Variants in TRIM14 observed in about 807,000 individuals in gnomAD.
The protein encoded by TRIM14 is tripartite motif-containing protein 14.
Under a neutral mutation model 44.5 loss-of-function variants are expected in TRIM14, and 28 were observed. The observed-to-expected ratio is 0.63, with a 90% CI of 0.47 to 0.86. TRIM14 has a LOEUF of 0.86. Ranked by LOEUF, TRIM14 falls within the 40% of genes least tolerant of loss-of-function variation. The pLI, the probability that TRIM14 is intolerant of heterozygous loss-of-function variation, is 0.00. For synonymous variants in TRIM14, 299 were observed against 269.2 expected (o/e 1.11, Z -1.08); for missense variants, 607 against 611.1 (o/e 0.99, Z 0.07).
intron 2 of TRIM14, among the ~76,000 whole-genome samples, chr9:98,106,102 C>T (rs1398454877): frequency 6.6e-6 from 1 of 152,186 alleles, no homozygotes; most frequent in African/African-American, 2.4e-5. Flanking sequence ...GGCACACTCA[C>T]AATCCACAGT....
intron 3 of TRIM14, 140 bp downstream of exon 3, chr9:98,099,791 G>C (rs1826320701): frequency 1.4e-6 from 1 of 693,914 alleles, no homozygotes; most frequent in African/African-American, 1.8e-5. Context: ...CACCTGTGTG[G>C]GGGCAAGACA....
chr9:98,051,956 G>T, the TRIM14 span, among the ~76,000 whole-genome samples: 1 of 152,066 alleles, frequency 6.6e-6, no homozygotes, highest in Admixed American at 6.6e-5. Context: ...GTGCTTCTTT[G>T]ATCCAAGCGT....
At chr9:98,039,230 G>T in the TRIM14 span, among the ~76,000 whole-genome samples, 5 of 151,950 alleles carry the variant, frequency 3.3e-5, no homozygotes, top group African/African-American at 1.2e-4. Flanking sequence ...GCTCACTGCA[G>T]CCTCCACCTC....
At chr9:98,045,173 C>T in the TRIM14 span, among the ~76,000 whole-genome samples, 1 of 152,236 alleles carries the variant, frequency 6.6e-6, no homozygotes, top group South Asian at 2.1e-4. Flanking sequence ...ACAACAGCCT[C>T]CTAAGACAGA....
downstream of TRIM14, chr9:98,082,936 G>C: frequency 6.2e-7 from 1 of 1,614,174 alleles, no homozygotes. Flanking sequence ...TGAGCCCAAA[G>C]GCTATCCTCC....
intron 2 of TRIM14, among the ~76,000 whole-genome samples, chr9:98,102,614 G>A (rs531374413): frequency 6.6e-6 from 1 of 152,270 alleles, no homozygotes; most frequent in South Asian, 2.1e-4. Context: ...CCGCTTATGT[G>A]AAACATCTAG....
chr9:98,061,631 T>C, the TRIM14 span, among the ~76,000 whole-genome samples: 4 of 148,556 alleles, frequency 2.7e-5, no homozygotes, highest in Non-Finnish European at 5.9e-5. Flanking sequence ...ATACAAAAAA[T>C]TAGCTGGGCG....
chr9:98,094,933 A>G lies in TRIM14; in HGVS notation c.634T>C (p.Phe212Leu), dbSNP rs1322052308. ...PLSFEPVKSFFKGLVEAVEST... is the reference protein window; with the variant it reads ...PLSFEPVKSFLKGLVEAVEST... Reference sequence around the variant, plus strand: ...TCCACGGCTTCCACGAGGCCCTTAAAGAAGCTCTTGACGGGCTCAAAGGAG... The same window carrying G: ...TCCACGGCTTCCACGAGGCCCTTAAGGAAGCTCTTGACGGGCTCAAAGGAG... The change falls in exon 4 of 6, where the codon TTT (phenylalanine) becomes CTT (leucine). Residue 212 changes from phenylalanine to leucine, a missense_variant. Phe to Leu is a conservative substitution (Grantham distance 22). Around this residue, in one of 3 missense-constraint regions of TRIM14, gnomAD observed 5 missense variants for 17.3 expected, o/e 0.29. Transcript: ENST00000341469. The G allele has an allele frequency of 6.2e-7, 1 of 1,614,070 alleles. No individual in the cohort carries two copies. The highest frequency in any genetic ancestry group is 2.2e-5 in the East Asian group (1 of 44,896).
At chr9:98,066,138 A>G (rs762438604), downstream of TRIM14, among the ~76,000 whole-genome samples, 1 of 152,198 alleles carries the variant, frequency 6.6e-6, no homozygotes, top group Non-Finnish European at 1.5e-5. Flanking sequence ...TGTTGAATCC[A>G]TAGTAAGGAG....
At chr9:98,096,810 T>C (rs1826202652) in intron 3 of TRIM14, among the ~76,000 whole-genome samples, 1 of 152,124 alleles carries the variant, frequency 6.6e-6, no homozygotes, top group South Asian at 2.1e-4. Context: ...CAGCCTCCCA[T>C]CCTGGCCTCC....
At position 98,094,980 on chromosome 9, in the gene TRIM14, TC is replaced by T; in HGVS notation, c.586del (p.Glu196SerfsTer40). 2 of 1,613,968 alleles carry T rather than the reference TC, an allele frequency of 1.2e-6. No individual in the cohort carries two copies. Among genetic ancestry groups the T allele is most frequent in the Non-Finnish European group, 1.7e-6 (2 of 1,179,988 alleles). ...QEMQQQMSLG[E>X]LCHPVPLSFE... The stretch of plus-strand genomic sequence containing the variant: ...GGAGAGGGGCACGGGATGGCACAGC[TC>T]CCCGAGGCTCATCTGCTGCTGCATC... On this transcript the variant is annotated frameshift_variant, in exon 4 of 6. Transcript: ENST00000341469. LOFTEE classifies it high-confidence loss of function.
At chr9:98,053,817 A>G in the TRIM14 span, among the ~76,000 whole-genome samples, 2 of 151,742 alleles carry the variant, frequency 1.3e-5, no homozygotes, top group East Asian at 3.8e-4. Flanking sequence ...AAATAAATAA[A>G]TAAATAAATA....
chr9:98,112,912 G>A (rs1826905171), intron 1 of TRIM14, among the ~76,000 whole-genome samples: 1 of 151,132 alleles, frequency 6.6e-6, no homozygotes, highest in South Asian at 2.1e-4. Context: ...TCAGGAATTT[G>A]AGACCAGCCT....
At chr9:98,056,567 C>A in the TRIM14 span, among the ~76,000 whole-genome samples, 1 of 152,158 alleles carries the variant, frequency 6.6e-6, no homozygotes, top group Non-Finnish European at 1.5e-5. Context: ...AGGAGAGGGC[C>A]GCGGAGCTTC....
intron 1 of TRIM14, among the ~76,000 whole-genome samples, chr9:98,114,948 A>G (rs1228101834): frequency 6.6e-6 from 1 of 152,190 alleles, no homozygotes; most frequent in African/African-American, 2.4e-5. Context: ...ATTGTTTTTC[A>G]GTCAAGAAAA....
intron 3 of TRIM14, among the ~76,000 whole-genome samples, chr9:98,098,489 A>G (rs1232806934): frequency 6.6e-6 from 1 of 152,010 alleles, no homozygotes; most frequent in Non-Finnish European, 1.5e-5. Flanking sequence ...AGGGGGGCGG[A>G]TCACGAGGTC....
chr9:98,050,167 C>T, the TRIM14 span, among the ~76,000 whole-genome samples: 7 of 152,226 alleles, frequency 4.6e-5, no homozygotes, highest in East Asian at 1.9e-4. Flanking sequence ...ATATGGGCTA[C>T]AGTCTGTTTA....
In TRIM14 at chr9:98,088,010, A is replaced by AG. The variant is rs767922057; in HGVS notation, c.794-6dup. The AG allele has an allele frequency of 2.6e-6, 4 of 1,521,576 alleles. No homozygotes were observed. Among genetic ancestry groups the AG allele is most frequent in the Admixed American group, 2.1e-5 (1 of 47,772 alleles). The allele number at this position is 1,521,576 out of a possible 1,614,324, so 94.3% of individuals were successfully genotyped here. On this transcript the variant is annotated splice_region_variant and splice_polypyrimidine_tract_variant and intron_variant, in intron 5 of 5. Coordinates refer to ENST00000341469, the MANE Select transcript of TRIM14 (RefSeq NM_014788.4). ...CCAGCGTGGGCGTGCGCGCGTCTGC[A>AG]GGGGGCGAGACAAGGGACGCACCTG...
the TRIM14 span, among the ~76,000 whole-genome samples, chr9:98,050,467 A>G: frequency 1.3e-5 from 2 of 152,208 alleles, no homozygotes; most frequent in African/African-American, 2.4e-5. Flanking sequence ...CTGTTTACAG[A>G]AGAAAAACAA....
Sources: allele counts gnomAD v4.1 joint callset (sites outside exome capture counted in the v4.1 genomes callset), GRCh38; gene constraint gnomAD v4.1.1; regional missense constraint gnomAD v4.1.1; transcripts MANE v1.5; gene names NCBI Gene and HGNC (gene_info 2026-07-23, HGNC 2026-07-21).